Variants in UNC13C observed in about 807,000 individuals in gnomAD.
The protein encoded by UNC13C is protein unc-13 homolog C.
A neutral mutation model predicts 245.4 loss-of-function variants in UNC13C; 174 were observed. That is an observed-to-expected ratio of 0.71 (90% confidence interval 0.63 to 0.80). The LOEUF (loss-of-function observed/expected upper bound fraction) is 0.80. Ranked by LOEUF, UNC13C falls within the 30% of genes least tolerant of loss-of-function variation. UNC13C has a pLI of 0.00. For missense variants in UNC13C, 2,829 were observed against 2,602.9 expected, an observed-to-expected ratio of 1.09 and a Z score of -1.89; for synonymous variants, 992 against 895.1, an observed-to-expected ratio of 1.11 and a Z score of -1.93.
chr15:54,067,059 A>AT (rs1566987827), intron 2 of UNC13C, among the ~76,000 whole-genome samples: 1 of 152,054 alleles, frequency 6.6e-6, no homozygotes, highest in South Asian at 2.1e-4. Context: ...TCATGCTGAT[A>AT]TTTTTTAATG....
At chr15:54,372,549 T>A (rs188472725) in intron 17 of UNC13C, among the ~76,000 whole-genome samples, 21 of 152,332 alleles carry the variant, frequency 1.4e-4, no homozygotes, top group African/African-American at 4.6e-4. Context: ...TCATTATAGT[T>A]CTACTACATG....
At chr15:54,236,126 C>G (rs1199477351) in intron 5 of UNC13C, among the ~76,000 whole-genome samples, 4 of 151,682 alleles carry the variant, frequency 2.6e-5, no homozygotes, top group Non-Finnish European at 5.9e-5. Flanking sequence ...AATATATTTT[C>G]CCCCATAAAA....
At chr15:54,239,895 G>A (rs1350557983) in intron 7 of UNC13C, among the ~76,000 whole-genome samples, 2 of 152,198 alleles carry the variant, frequency 1.3e-5, no homozygotes, top group Non-Finnish European at 2.9e-5. Flanking sequence ...CTTCTTTTGA[G>A]TAAATAATAA....
intron 10 of UNC13C, among the ~76,000 whole-genome samples, chr15:54,278,138 T>G (rs1169225587): frequency 1.3e-5 from 2 of 152,164 alleles, no homozygotes; most frequent in Admixed American, 6.6e-5. Context: ...GACCTCTGAC[T>G]ATTTTGCCTA....
rs2141121650 is a variant in UNC13C at position 54,083,353 on chromosome 15, C to T, written c.2984-59665C>T. 2.6e-5 allele frequency among the ~76,000 whole-genome samples: 4 copies of T among 152,294 alleles called. No individual in the cohort carries two copies. In the South Asian group the frequency reaches 8.3e-4, roughly 32 times the overall value. Reference sequence around the variant, plus strand: ...ACTGGACTCAGGGCACAGCCTCTTCCCTCAGTCTGGAGCAGACAACTGTAT... The same window carrying T: ...ACTGGACTCAGGGCACAGCCTCTTCTCTCAGTCTGGAGCAGACAACTGTAT... On this transcript the variant is annotated intron_variant, in intron 2 of 32. Transcript: ENST00000260323.
chr15:54,459,401 C>G lies in UNC13C; in HGVS notation c.4934-35207C>G, dbSNP rs530769905. Among the ~76,000 whole-genome samples, 7 of 152,176 alleles carry G rather than the reference C, an allele frequency of 4.6e-5. No homozygotes were observed. The South Asian group carries it at 1.5e-3, about 32-fold the overall frequency. On this transcript the variant is annotated intron_variant, in intron 19 of 32. Transcript: ENST00000260323. ...TGATGACCTTTTTGTGATGAATTTCCCAGGTGTTCTTTGACCTTCTTGTAT... is the reference window on the plus strand; with the variant it reads ...TGATGACCTTTTTGTGATGAATTTCGCAGGTGTTCTTTGACCTTCTTGTAT...
chr15:54,479,613 A>G (rs1353569825), intron 19 of UNC13C, among the ~76,000 whole-genome samples: 1 of 151,372 alleles, frequency 6.6e-6, no homozygotes, highest in Admixed American at 6.6e-5. Context: ...TCATTTTGTT[A>G]TTTGTTTTCT....
At chr15:54,191,592 G>A (rs1383849924) in intron 4 of UNC13C, among the ~76,000 whole-genome samples, 2 of 152,108 alleles carry the variant, frequency 1.3e-5, no homozygotes, top group Admixed American at 1.3e-4. Flanking sequence ...GGGTCAAATG[G>A]TGTTTCTGCT....
intron 32 of UNC13C, 113 bp downstream of exon 32, chr15:54,624,067 T>G: frequency 7.6e-7 from 1 of 1,318,504 alleles, no homozygotes; most frequent in Non-Finnish European, 1.1e-6. Flanking sequence ...GGCTCTGTTT[T>G]TAGTTCCCTT....
At chr15:53,890,135 C>A in the UNC13C span, among the ~76,000 whole-genome samples, 2 of 126,480 alleles carry the variant, frequency 1.6e-5, no homozygotes, top group African/African-American at 5.4e-5. Context: ...ATGGTACCAG[C>A]GCCTCTTTTT....
intron 13 of UNC13C, among the ~76,000 whole-genome samples, chr15:54,312,554 G>T (rs1246315447): frequency 6.6e-6 from 1 of 151,792 alleles, no homozygotes; most frequent in Non-Finnish European, 1.5e-5. Context: ...AGGGTATATT[G>T]TTCCCAGGGT....
intron 2 of UNC13C, among the ~76,000 whole-genome samples, chr15:54,082,060 T>C (rs1275419931): frequency 6.6e-6 from 1 of 152,232 alleles, no homozygotes; most frequent in East Asian, 1.9e-4. Context: ...TTTGTCAGGA[T>C]ATAAAATGCA....
chr15:54,616,516 T>C (rs1387678511), intron 30 of UNC13C, among the ~76,000 whole-genome samples: 3 of 152,022 alleles, frequency 2.0e-5, no homozygotes, highest in Non-Finnish European at 4.4e-5. Flanking sequence ...TGTTGAGGAT[T>C]CTGACCCTGT....
chr15:54,030,218 C>T (rs2141016912), intron 2 of UNC13C, among the ~76,000 whole-genome samples: 1 of 152,262 alleles, frequency 6.6e-6, no homozygotes, highest in South Asian at 2.1e-4. Flanking sequence ...CTACTTTTGG[C>T]AAGACCCAAA....
At chr15:54,085,678 C>T (rs1380878026) in intron 2 of UNC13C, among the ~76,000 whole-genome samples, 1 of 152,012 alleles carries the variant, frequency 6.6e-6, no homozygotes, top group Non-Finnish European at 1.5e-5. Context: ...AATCCCTGCC[C>T]TCAAGTGATC....
chr15:54,348,140 A>G (rs1157006072), intron 17 of UNC13C, among the ~76,000 whole-genome samples: 2 of 152,196 alleles, frequency 1.3e-5, no homozygotes, highest in East Asian at 3.9e-4. Context: ...TGCCTACAGC[A>G]TGTACAGCAA....
intron 2 of UNC13C, among the ~76,000 whole-genome samples, chr15:54,042,474 A>C (rs1001706739): frequency 6.6e-6 from 1 of 152,200 alleles, no homozygotes; most frequent in Non-Finnish European, 1.5e-5. Flanking sequence ...GAAGTGAAGA[A>C]TCTTATATTC....
intron 29 of UNC13C, among the ~76,000 whole-genome samples, chr15:54,563,068 TC>T (rs1897362433): frequency 1.3e-5 from 2 of 152,006 alleles, no homozygotes; most frequent in African/African-American, 4.8e-5. Flanking sequence ...TCACCCCTAT[TC>T]TGTACTTTGT....
chr15:54,078,445 G>A (rs893505345), intron 2 of UNC13C, among the ~76,000 whole-genome samples: 13 of 152,032 alleles, frequency 8.6e-5, no homozygotes, highest in Admixed American at 2.6e-4. Context: ...GCTAATTTAC[G>A]TTTCTGCCAA....
Sources: allele counts gnomAD v4.1 joint callset (sites outside exome capture counted in the v4.1 genomes callset), GRCh38; gene constraint gnomAD v4.1.1; transcripts MANE v1.5; gene names NCBI Gene and HGNC (gene_info 2026-07-23, HGNC 2026-07-21).